The following CYLD variants were observed in gnomAD, a reference collection of about 807,000 sequenced individuals.
The protein encoded by CYLD is CYLD lysine 63 deubiquitinase, also known as ubiquitin carboxyl-terminal hydrolase CYLD.
In CYLD, 26 loss-of-function variants were observed where a neutral mutation model predicts 104.5. The ratio of observed to expected loss-of-function variants is 0.25; its 90% CI spans 0.18 to 0.35. CYLD has a LOEUF of 0.35. Among genes scored for constraint, CYLD ranks in the 10% least tolerant of loss-of-function variants. The probability of loss-of-function intolerance (pLI) is 1.00; values close to 1 mark genes in which losing one functional copy is unlikely to be tolerated. For synonymous variants in CYLD, 385 were observed against 399.9 expected, an observed-to-expected ratio of 0.96 and a Z score of 0.45; for missense variants, 703 against 1,136.1, an observed-to-expected ratio of 0.62 and a Z score of 5.48.
intron 12 of CYLD, chr16:50,785,200 A>AGT (rs1324629799): frequency 6.6e-6 from 1 of 152,168 alleles, no homozygotes; most frequent in Non-Finnish European, 1.5e-5. Flanking sequence ...TTCATTCAGG[A>AGT]ATATAGAGAG....
intron 8 of CYLD, among the ~76,000 whole-genome samples, chr16:50,778,907 C>CT (rs1458530305): frequency 6.6e-6 from 1 of 152,096 alleles, no homozygotes; most frequent in Non-Finnish European, 1.5e-5. Flanking sequence ...GAAGTTCATT[C>CT]TTTTGTCATT....
chr16:50,781,474 T>C, intron 10 of CYLD, 63 bp downstream of exon 10: 1 of 1,565,580 alleles, frequency 6.4e-7, no homozygotes. Flanking sequence ...TCTCATATCA[T>C]GTTATATTAG....
chr16:50,780,574 A>C (rs1366638193), intron 9 of CYLD, among the ~76,000 whole-genome samples: 1 of 152,210 alleles, frequency 6.6e-6, no homozygotes, highest in Non-Finnish European at 1.5e-5. Context: ...ACTGGAGTGC[A>C]GTAGCACGGT....
chr16:50,745,522 G>T (rs1966115678), intron 2 of CYLD, among the ~76,000 whole-genome samples: 1 of 151,516 alleles, frequency 6.6e-6, no homozygotes, highest in Non-Finnish European at 1.5e-5. Context: ...GGGCCCACAG[G>T]CAGACACCAC....
intron 5 of CYLD, among the ~76,000 whole-genome samples, chr16:50,766,851 C>T (rs1056613049): frequency 7.9e-5 from 12 of 152,100 alleles, no homozygotes; most frequent in East Asian, 3.9e-4. Flanking sequence ...CAAACTTGAG[C>T]GGATGAAGAA....
intron 18 of CYLD, chr16:50,795,830 C>G: frequency 1.8e-6 from 1 of 550,272 alleles, no homozygotes; most frequent in South Asian, 2.3e-5. Context: ...GAAATCACAC[C>G]CCAGAGCACC....
Position 50,777,596 on chromosome 16 carries a change from G to A in CYLD, c.1022-229G>A, listed in dbSNP as rs73584479. On this transcript the variant is annotated intron_variant, in intron 7 of 18. Transcript: ENST00000427738. ...TGGGCTTTTCTTTTAACTTACTCCT[G>A]TTTCCCTCCTATCTTGACTTTTGGG... Among the ~76,000 whole-genome samples, 5,207 of 151,846 alleles carry A rather than the reference G, an allele frequency of 0.034. 303 individuals are homozygous for A. Among genetic ancestry groups the A allele is most frequent in the African/African-American group, 0.12 (4,825 of 41,400 alleles).
intron 10 of CYLD, among the ~76,000 whole-genome samples, chr16:50,781,989 T>A (rs984187007): frequency 6.6e-6 from 1 of 152,224 alleles, no homozygotes; most frequent in African/African-American, 2.4e-5. Flanking sequence ...AATAGTACTT[T>A]GGAATTTTCA....
chr16:50,746,630 GA>G (rs966883303), intron 2 of CYLD, among the ~76,000 whole-genome samples: 1 of 152,002 alleles, frequency 6.6e-6, no homozygotes, highest in African/African-American at 2.4e-5. Context: ...TGAAAGTTAG[GA>G]AAAAAGTTAC....
chr16:50,760,999 G>C (rs982084973), intron 5 of CYLD, among the ~76,000 whole-genome samples: 2 of 152,162 alleles, frequency 1.3e-5, no homozygotes. Flanking sequence ...ATATTTCAGT[G>C]TATATAATAC....
intron 6 of CYLD, among the ~76,000 whole-genome samples, chr16:50,775,790 G>A (rs1216393545): frequency 2.6e-5 from 4 of 152,070 alleles, no homozygotes; most frequent in South Asian, 2.1e-4. Context: ...ATTTGAGTTC[G>A]AAACACTTCA....
At chr16:50,760,796 GATAT>G (rs71948301) in intron 5 of CYLD, among the ~76,000 whole-genome samples, 34,606 of 151,834 alleles carry the variant, frequency 0.23, 6,434 homozygotes, top group African/African-American at 0.52. Flanking sequence ...ATATCTGGAG[GATAT>G]ATATATTCCC....
At chr16:50,755,690 C>T (rs974199254) in intron 5 of CYLD, among the ~76,000 whole-genome samples, 1 of 152,066 alleles carries the variant, frequency 6.6e-6, no homozygotes, top group African/African-American at 2.4e-5. Context: ...TGATAATTGT[C>T]TAAAAGTGGG....
At chr16:50,769,535 TGA>T (rs372684846) in intron 5 of CYLD, among the ~76,000 whole-genome samples, 4 of 152,240 alleles carry the variant, frequency 2.6e-5, no homozygotes, top group Admixed American at 6.5e-5. Flanking sequence ...GATTGGGTTT[TGA>T]GAGTTATTTA....
At chr16:50,751,977 T>A (rs1238142054) in intron 4 of CYLD, 71 bp downstream of exon 4, 3 of 422,968 alleles carry the variant, frequency 7.1e-6, no homozygotes, top group East Asian at 6.1e-5. Flanking sequence ...TATATATATA[T>A]AAACATATAT....
chr16:50,743,279 C>T (rs1322297718), intron 2 of CYLD, among the ~76,000 whole-genome samples: 1 of 152,192 alleles, frequency 6.6e-6, no homozygotes, highest in Non-Finnish European at 1.5e-5. Flanking sequence ...TGGCTTTCTA[C>T]ACACCCCCTC....
intron 10 of CYLD, among the ~76,000 whole-genome samples, chr16:50,781,675 A>T (rs1970228175): frequency 6.6e-6 from 1 of 151,688 alleles, no homozygotes; most frequent in Non-Finnish European, 1.5e-5. Flanking sequence ...GATGACAGAC[A>T]TTTAGTTTTC....
At chr16:50,752,947 A>G (rs575038329) in intron 4 of CYLD, among the ~76,000 whole-genome samples, 1 of 152,292 alleles carries the variant, frequency 6.6e-6, no homozygotes, top group Admixed American at 6.5e-5. Context: ...TGTTATGTAT[A>G]AAGAAGGAAA....
In CYLD at chr16:50,798,349, T is replaced by C. The variant is rs890171892; in HGVS notation, c.*1841T>C. The C allele has an allele frequency of 4.3e-6, 1 of 231,912 alleles. No homozygotes were observed. Among genetic ancestry groups the C allele is most frequent in the Admixed American group, 5.6e-5 (1 of 17,754 alleles). The allele number at this position is 231,912 out of a possible 1,614,324, so 14.4% of individuals were successfully genotyped here. On this transcript the variant is annotated 3_prime_UTR_variant, in exon 19 of 19. Coordinates refer to ENST00000427738, the MANE Select transcript of CYLD (RefSeq NM_001378743.1). ...AGGATGGTTACATCCGTATTGAACA[T>C]GTACAGACTTTTTTCTTGTCATTAT...
Sources: gnomAD v4.1 joint callset for allele counts (sites outside exome capture counted in the v4.1 genomes callset) on GRCh38, gnomAD v4.1.1 for gene constraint, MANE v1.5 for transcripts, NCBI Gene and HGNC (gene_info 2026-07-23, HGNC 2026-07-21) for gene names.